Variants in PLAC1 observed in about 807,000 individuals in gnomAD.
PLAC1 encodes the protein placenta associated 1.
For synonymous variants in PLAC1, 68 were observed against 62.1 expected, an observed-to-expected ratio of 1.09 and a Z score of -0.44; for missense variants, 136 against 163.2, an observed-to-expected ratio of 0.83 and a Z score of 0.91.
intron 2 of PLAC1, among the ~76,000 whole-genome samples, chrX:134,710,074 C>T (rs1602929025): frequency 9.0e-6 from 1 of 110,694 alleles, no homozygotes; most frequent in East Asian, 2.8e-4. Flanking sequence ...ACACTTGCCA[C>T]ACATGTAATT....
At chrX:134,696,359 G>A (rs1195039370) in intron 2 of PLAC1, among the ~76,000 whole-genome samples, 1 of 111,518 alleles carries the variant, frequency 9.0e-6, no homozygotes, top group Non-Finnish European at 1.9e-5. Context: ...GGGAGTGGAG[G>A]GGAGGATAGA....
chrX:134,696,698 G>T (rs1229487934), intron 2 of PLAC1, among the ~76,000 whole-genome samples: 1 of 111,244 alleles, frequency 9.0e-6, no homozygotes, highest in East Asian at 2.8e-4. Flanking sequence ...GCTTGCAAGC[G>T]GCCCTCAGCT....
At chrX:134,640,003 C>A (rs989574120) in intron 1 of PLAC1, among the ~76,000 whole-genome samples, 1 of 111,280 alleles carries the variant, frequency 9.0e-6, no homozygotes, top group Non-Finnish European at 1.9e-5. Flanking sequence ...TTGTTTTCAC[C>A]TTTTGGCTAT....
At chrX:134,567,802 G>A (rs60040748) in intron 2 of PLAC1, among the ~76,000 whole-genome samples, 3,654 of 84,367 alleles carry the variant, frequency 0.043, 204 homozygotes, top group African/African-American at 0.14. Flanking sequence ...AGGAAAGAAA[G>A]AGAGAGAGAG....
At position 134,704,565 on chromosome X, in the gene PLAC1, AAAAT is replaced by A. The variant is rs766502795; in HGVS notation, n.174+28866_174+28869del. On this transcript the variant is annotated intron_variant and non_coding_transcript_variant, in intron 2 of 2. Coordinates refer to the PLAC1 transcript ENST00000466797. ...TAATAGAAATATAAAACAAAATGAA[AAAAT>A]AAATCTAAGCATAACAGAAATCACA... 6.5e-5 allele frequency among the ~76,000 whole-genome samples: 7 copies of A among 107,043 alleles called. No homozygotes were observed. In the South Asian group the frequency reaches 2.7e-3, roughly 42 times the overall value. The allele number at this position is 107,043 out of a possible 115,157, so 93.0% of individuals were successfully genotyped here.
intron 2 of PLAC1, among the ~76,000 whole-genome samples, chrX:134,567,589 C>G (rs753895175): frequency 1.7e-4 from 19 of 109,708 alleles, no homozygotes; most frequent in Non-Finnish European, 3.0e-4. Context: ...GAGCCTGTCT[C>G]TATAAAACAA....
intron 2 of PLAC1, among the ~76,000 whole-genome samples, chrX:134,723,998 A>AC (rs397896491): frequency 5.5e-5 from 6 of 109,925 alleles, no homozygotes; most frequent in African/African-American, 9.9e-5. Flanking sequence ...AAAAAAAAAA[A>AC]CATAAAACAA....
intron 2 of PLAC1, among the ~76,000 whole-genome samples, chrX:134,591,754 A>G (rs184303769): frequency 1.8e-4 from 20 of 112,382 alleles, no homozygotes; most frequent in African/African-American, 6.5e-4. Context: ...AGCATTTCAC[A>G]TTCCCACTAG....
intron 1 of PLAC1, chrX:134,607,157 A>G (rs189648397): frequency 5.9e-5 from 8 of 134,734 alleles, no homozygotes; most frequent in East Asian, 1.8e-4. Context: ...CAAAATAATG[A>G]ACACAAAGGG....
chrX:134,568,363 C>T (rs748264511), intron 2 of PLAC1, among the ~76,000 whole-genome samples: 16 of 112,885 alleles, frequency 1.4e-4, no homozygotes, highest in Non-Finnish European at 2.6e-4. Flanking sequence ...AAATACAGCT[C>T]TTTCTCTTCC....
At chrX:134,608,665 TTTTTTTC>T (rs2078134408) in intron 1 of PLAC1, among the ~76,000 whole-genome samples, 1 of 83,404 alleles carries the variant, frequency 1.2e-5, no homozygotes, top group Non-Finnish European at 2.2e-5. Context: ...CTTCTTTTTC[TTTTTTTC>T]TTTTTTCTTT....
At chrX:134,637,344 C>G (rs371293971) in intron 1 of PLAC1, among the ~76,000 whole-genome samples, 1 of 111,464 alleles carries the variant, frequency 9.0e-6, no homozygotes, top group South Asian at 3.9e-4. Flanking sequence ...CCAACTGTTC[C>G]ACCTCCCTTG....
At chrX:134,630,292 T>C (rs1181455034) in intron 1 of PLAC1, among the ~76,000 whole-genome samples, 1 of 112,394 alleles carries the variant, frequency 8.9e-6, no homozygotes, top group Non-Finnish European at 1.9e-5. Flanking sequence ...TTATTTCTAA[T>C]AATCAAATAC....
At chrX:134,639,414 G>A (rs1188223798) in intron 1 of PLAC1, among the ~76,000 whole-genome samples, 1 of 111,248 alleles carries the variant, frequency 9.0e-6, no homozygotes, top group Non-Finnish European at 1.9e-5. Context: ...ATAAACACTT[G>A]ACTTAGCTGA....
chrX:134,602,609 A>C (rs186749851), intron 1 of PLAC1, among the ~76,000 whole-genome samples: 1 of 112,451 alleles, frequency 8.9e-6, no homozygotes, highest in African/African-American at 3.2e-5. Flanking sequence ...TGAATGGATA[A>C]GCTGTGGTAC....
At chrX:134,596,941 G>A (rs1183209431) in intron 2 of PLAC1, among the ~76,000 whole-genome samples, 1 of 111,002 alleles carries the variant, frequency 9.0e-6, no homozygotes, top group Non-Finnish European at 1.9e-5. Flanking sequence ...TGTTTTCTTT[G>A]TCTTTAGTTT....
At chrX:134,725,942 A>G (rs942807516) in intron 2 of PLAC1, among the ~76,000 whole-genome samples, 2 of 111,931 alleles carry the variant, frequency 1.8e-5, no homozygotes, top group African/African-American at 6.5e-5. Context: ...GGTTGCAGTG[A>G]GCTGAAATCA....
At chrX:134,575,765 T>C (rs1278823187) in intron 2 of PLAC1, among the ~76,000 whole-genome samples, 4 of 86,011 alleles carry the variant, frequency 4.7e-5, no homozygotes, top group African/African-American at 1.6e-4. Flanking sequence ...TAAGACTCCG[T>C]CTCAAAAAAA....
intron 2 of PLAC1, among the ~76,000 whole-genome samples, chrX:134,701,633 A>G (rs915504433): frequency 5.3e-5 from 6 of 112,487 alleles, no homozygotes; most frequent in Non-Finnish European, 1.1e-4. Context: ...CAAAAACATG[A>G]GCAGGCACAT....
Sources: gnomAD v4.1 joint callset for allele counts (sites outside exome capture counted in the v4.1 genomes callset) on GRCh38, gnomAD v4.1.1 for gene constraint, MANE v1.5 for transcripts, NCBI Gene and HGNC (gene_info 2026-07-23, HGNC 2026-07-21) for gene names.